Variants in SPECC1 observed in about 807,000 individuals in gnomAD.
SPECC1 encodes the protein sperm antigen with calponin homology and coiled-coil domains 1.
A neutral mutation model predicts 104.1 loss-of-function variants in SPECC1; 62 were observed. That is an observed-to-expected ratio of 0.60 (90% CI 0.49 to 0.74). SPECC1 has a LOEUF of 0.74. SPECC1 is among the 30% of genes least tolerant of loss of function. The pLI is 0.00. For synonymous variants in SPECC1, 513 were observed against 501.6 expected (o/e 1.02, Z -0.30); for missense variants, 1,306 against 1,310.5 (o/e 1.00, Z 0.05).
chr17:20,231,811 ACT>A lies in SPECC1; in HGVS notation c.2128_2129del (p.Leu710AspfsTer27), dbSNP rs749765529. 5.6e-6 allele frequency: 9 copies of A among 1,613,846 alleles called. No individual in the cohort carries two copies. Among genetic ancestry groups the A allele is most frequent in the Non-Finnish European group, 7.6e-6 (9 of 1,179,970 alleles). ...GTCAGACCTGGAGAGGCAGCTGAAG[ACT>A]CTGACCAAGCAGATGAAGGTGAGAT... is the stretch of plus-strand genomic sequence containing the variant. ...QKSDLERQLK[T>X]LTKQMKEETE... is the part of the protein sequence containing the mutation. On this transcript the variant is annotated frameshift_variant, in exon 6 of 15. Coordinates refer to ENST00000395527, the MANE Select transcript of SPECC1 (RefSeq NM_001243439.2). LOFTEE classifies it high-confidence loss of function.
At chr17:20,184,197 A>G (rs1345112642) in intron 3 of SPECC1, among the ~76,000 whole-genome samples, 3 of 151,576 alleles carry the variant, frequency 2.0e-5, no homozygotes, top group Non-Finnish European at 2.9e-5. Flanking sequence ...AAAAAAAAAA[A>G]AAAAAAGATG....
rs1410224280 is a variant in SPECC1 at position 20,316,088 on chromosome 17, A to G, written c.*2023A>G. ...GTCATTACATCACCCATGCCTTTGTATTTAAATGAAACTCGACACATAGAA... is the reference window on the plus strand; with the variant it reads ...GTCATTACATCACCCATGCCTTTGTGTTTAAATGAAACTCGACACATAGAA... On this transcript the variant is annotated 3_prime_UTR_variant, in exon 15 of 15. Transcript: ENST00000395527. 8.6e-6 allele frequency: 2 copies of G among 232,134 alleles called. No homozygotes were observed. The highest frequency in any genetic ancestry group is 5.6e-5 in the Admixed American group (1 of 17,748). 14.4% of individuals were successfully genotyped at this position (232,134 alleles called of 1,614,324 possible). A position where few individuals can be genotyped will look rare whatever the true frequency, so the allele number is the denominator to read the frequency against.
At chr17:20,112,762 T>A in intron 3 of SPECC1, 1 of 1,278,558 alleles carries the variant, frequency 7.8e-7, no homozygotes, top group South Asian at 1.2e-5. Flanking sequence ...AAGGTGTGGA[T>A]ATGGAAGGAA....
chr17:20,013,323 A>G (rs1409693638), intron 1 of SPECC1, among the ~76,000 whole-genome samples: 1 of 152,224 alleles, frequency 6.6e-6, no homozygotes, highest in Non-Finnish European at 1.5e-5. Flanking sequence ...CTCACCAGCA[A>G]TGCGTGAGAA....
At chr17:20,198,257 G>A (rs866493853) in intron 3 of SPECC1, among the ~76,000 whole-genome samples, 2 of 152,274 alleles carry the variant, frequency 1.3e-5, no homozygotes, top group African/African-American at 2.4e-5. Context: ...TCAGACTTAC[G>A]TGGCCTCTGG....
chr17:20,170,364 G>GT (rs1360018899), intron 3 of SPECC1, among the ~76,000 whole-genome samples: 4 of 152,212 alleles, frequency 2.6e-5, no homozygotes, highest in Non-Finnish European at 5.9e-5. Context: ...GAGAAAGTAG[G>GT]TTTGATATTT....
At chr17:20,282,797 G>T in intron 12 of SPECC1, among the ~76,000 whole-genome samples, 1 of 152,194 alleles carries the variant, frequency 6.6e-6, no homozygotes, top group African/African-American at 2.4e-5. Context: ...GAGGAGGTCT[G>T]CATTTTTTTA....
At chr17:20,129,747 TTTTG>T (rs974665436) in intron 3 of SPECC1, among the ~76,000 whole-genome samples, 17 of 150,608 alleles carry the variant, frequency 1.1e-4, no homozygotes, top group Admixed American at 2.0e-4. Flanking sequence ...GTTGTTGTTG[TTTTG>T]TTTGTTTGTT....
intron 3 of SPECC1, among the ~76,000 whole-genome samples, chr17:20,199,366 C>T (rs1315877560): frequency 1.5e-5 from 2 of 131,280 alleles, no homozygotes; most frequent in Non-Finnish European, 3.1e-5. Flanking sequence ...GAATTACAGG[C>T]GTGAGCCACC....
At chr17:20,299,555 CAAAAAA>C (rs57493380) in intron 13 of SPECC1, among the ~76,000 whole-genome samples, 31 of 40,368 alleles carry the variant, frequency 7.7e-4, no homozygotes, top group African/African-American at 2.2e-3. Flanking sequence ...GACCCTGTCT[CAAAAAA>C]AAAAAAAAAA....
intron 3 of SPECC1, chr17:20,156,165 G>A: frequency 1.4e-6 from 2 of 1,437,532 alleles, no homozygotes; most frequent in Non-Finnish European, 1.8e-6. Flanking sequence ...GTCCGAGGCC[G>A]GCAAGCCGGC....
intron 3 of SPECC1, among the ~76,000 whole-genome samples, chr17:20,124,958 A>C (rs952660212): frequency 2.0e-5 from 3 of 152,196 alleles, no homozygotes; most frequent in Admixed American, 1.3e-4. Context: ...AGGTGGGCGG[A>C]TCACGAGGTC....
intron 1 of SPECC1, chr17:20,017,358 A>G (rs973954624): frequency 3.1e-4 from 47 of 152,782 alleles, no homozygotes; most frequent in African/African-American, 1.1e-3. Flanking sequence ...TAAGAGCTGT[A>G]ACACTCGCCG....
chr17:20,270,874 C>T (rs1293104702), intron 12 of SPECC1, among the ~76,000 whole-genome samples: 1 of 152,176 alleles, frequency 6.6e-6, no homozygotes, highest in African/African-American at 2.4e-5. Flanking sequence ...GATACACCTA[C>T]TCTTTTGATC....
At chr17:20,141,853 G>A (rs2030842526) in intron 3 of SPECC1, among the ~76,000 whole-genome samples, 1 of 152,246 alleles carries the variant, frequency 6.6e-6, no homozygotes, top group East Asian at 1.9e-4. Context: ...CTTTTCTTCC[G>A]ATTCAGTTAC....
chr17:20,085,891 A>T (rs2047158807), intron 1 of SPECC1, among the ~76,000 whole-genome samples: 1 of 152,210 alleles, frequency 6.6e-6, no homozygotes, highest in African/African-American at 2.4e-5. Flanking sequence ...TGCAGATGTG[A>T]GTTAGGGCCA....
At chr17:20,194,502 A>ATTATTATTTTTTTTTTT in intron 3 of SPECC1, among the ~76,000 whole-genome samples, 6 of 86,568 alleles carry the variant, frequency 6.9e-5, no homozygotes, top group African/African-American at 2.7e-4. Context: ...AAGAGAACGA[A>ATTATTATTTTTTTTTTT]TTTTTTTTTT....
intron 1 of SPECC1, among the ~76,000 whole-genome samples, chr17:20,036,436 A>G (rs1456394277): frequency 1.3e-5 from 2 of 152,150 alleles, no homozygotes; most frequent in Non-Finnish European, 2.9e-5. Flanking sequence ...GGCCAAAATC[A>G]TGTGTTTTTA....
chr17:20,270,296 T>A (rs575168994), intron 12 of SPECC1, among the ~76,000 whole-genome samples: 94 of 150,222 alleles, frequency 6.3e-4, no homozygotes, highest in East Asian at 2.1e-3. Context: ...TTAATTTTTT[T>A]TAAAAAAAAC....
Sources: allele counts gnomAD v4.1 joint callset (sites outside exome capture counted in the v4.1 genomes callset), GRCh38; gene constraint gnomAD v4.1.1; transcripts MANE v1.5; gene names NCBI Gene and HGNC (gene_info 2026-07-23, HGNC 2026-07-21).